DIP2B: variants seen among roughly 807,000 people sequenced by gnomAD.
The protein encoded by DIP2B is DIP2 acetate--CoA ligase B (putative), also known as disco-interacting protein 2 homolog B.
Under a neutral mutation model 198.0 loss-of-function variants are expected in DIP2B, and 76 were observed. That is an observed-to-expected ratio of 0.38 (90% CI 0.32 to 0.46). DIP2B has a LOEUF of 0.46. DIP2B is among the 20% of genes least tolerant of loss of function. The pLI, the probability that DIP2B is intolerant of heterozygous loss-of-function variation, is 0.99. For synonymous variants in DIP2B, 701 were observed against 739.1 expected, an observed-to-expected ratio of 0.95 and a Z score of 0.84; for missense variants, 1,559 against 1,978.4, an observed-to-expected ratio of 0.79 and a Z score of 4.02.
At chr12:50,630,663 CTTTTTTTTTTT>C (rs11327858) in intron 2 of DIP2B, among the ~76,000 whole-genome samples, 2 of 74,568 alleles carry the variant, frequency 2.7e-5, no homozygotes, top group Admixed American at 3.4e-4. Flanking sequence ...TCTTTCTTTT[CTTTTTTTTTTT>C]TTTTTTTTTT....
chr12:50,594,707 C>G (rs527557573), intron 1 of DIP2B, among the ~76,000 whole-genome samples: 1 of 152,272 alleles, frequency 6.6e-6, no homozygotes, highest in East Asian at 1.9e-4. Flanking sequence ...AGGAAAAAGT[C>G]ATCGAAAATA....
Position 50,728,568 on chromosome 12 carries a change from C to A in DIP2B, c.3531C>A (p.Asn1177Lys). The change falls in exon 30 of 38, where the codon AAC becomes AAA. Residue 1177 changes from asparagine (N) to lysine (K), a missense_variant. Physicochemically the swap from Asn to Lys is moderately conservative, Grantham distance 94. Transcript: ENST00000301180. ...TGVKMSHSAV[N>K]ALCRAIKLQC... ...TCCAGATGTCCCACTCTGCAGTGAA[C>A]GCTCTGTGTCGAGCCATCAAGCTCC... The A allele has an allele frequency of 6.2e-7, 1 of 1,613,956 alleles. No homozygotes were observed. Among genetic ancestry groups the A allele is most frequent in the East Asian group, 2.2e-5 (1 of 44,860 alleles).
intron 32 of DIP2B, 89 bp from the exon 33 acceptor site, chr12:50,734,046 A>G: frequency 1.4e-6 from 2 of 1,428,550 alleles, no homozygotes; most frequent in Non-Finnish European, 9.9e-7. Context: ...TGGATTTTTC[A>G]TGTATATGGC....
chr12:50,568,753 A>G (rs1180002757), intron 1 of DIP2B, among the ~76,000 whole-genome samples: 2 of 152,166 alleles, frequency 1.3e-5, no homozygotes, highest in African/African-American at 4.8e-5. Flanking sequence ...AGAGAGGCTG[A>G]GGGGAGCTTA....
At chr12:50,518,660 T>C (rs192558839) in intron 1 of DIP2B, among the ~76,000 whole-genome samples, 3 of 152,374 alleles carry the variant, frequency 2.0e-5, no homozygotes, top group Admixed American at 2.0e-4. Context: ...TCCATCTCCC[T>C]GAATCTTGTT....
intron 14 of DIP2B, among the ~76,000 whole-genome samples, chr12:50,693,912 G>C (rs1017985452): frequency 1.3e-5 from 2 of 152,136 alleles, no homozygotes; most frequent in African/African-American, 2.4e-5. Context: ...CAATACGAAG[G>C]CTTGGTTATT....
rs1041887234 is a variant in DIP2B, at chr12:50,714,694, C to G, written c.2851+98C>G. 23 of 1,439,658 alleles carry G rather than the reference C, an allele frequency of 1.6e-5. No homozygotes were observed. The African/African-American group carries it at 3.2e-4, about 20-fold the overall frequency. 89.2% of individuals were successfully genotyped at this position (1,439,658 alleles called of 1,614,324 possible). ...TTTCTCTACAATTAGTTTACAAAGA[C>G]TTTGGGAGGCCAAGGTGGGAGGGTC... is the stretch of plus-strand genomic sequence containing the variant. On this transcript the variant is annotated intron_variant, in intron 23 of 37. Coordinates refer to ENST00000301180, the MANE Select transcript of DIP2B (RefSeq NM_173602.3).
intron 1 of DIP2B, among the ~76,000 whole-genome samples, chr12:50,580,046 G>A (rs1958710358): frequency 6.9e-6 from 1 of 144,046 alleles, no homozygotes; most frequent in African/African-American, 2.5e-5. Context: ...AAAACAACAG[G>A]GAAGGGCCAA....
chr12:50,745,551 C>T lies in DIP2B; in HGVS notation c.*712C>T, dbSNP rs1158150159. On this transcript the variant is annotated 3_prime_UTR_variant, in exon 38 of 38. Coordinates refer to ENST00000301180, the MANE Select transcript of DIP2B (RefSeq NM_173602.3). Reference sequence around the variant, plus strand: ...GTAACTAAAAAGCGCAAATTGTTGGCAGGTTTTGCTGCACATTGTTCTATG... The same window carrying T: ...GTAACTAAAAAGCGCAAATTGTTGGTAGGTTTTGCTGCACATTGTTCTATG... 1 of 152,418 alleles carries T rather than the reference C, an allele frequency of 6.6e-6. No individual in the cohort carries two copies. Among genetic ancestry groups the T allele is most frequent in the Non-Finnish European group, 1.5e-5 (1 of 68,044 alleles). The allele number at this position is 152,418 out of a possible 1,614,324, so 9.4% of individuals were successfully genotyped here.
At chr12:50,738,538 C>T (rs912968527) in intron 35 of DIP2B, among the ~76,000 whole-genome samples, 2 of 152,134 alleles carry the variant, frequency 1.3e-5, no homozygotes, top group African/African-American at 4.8e-5. Flanking sequence ...GGCTGGAATG[C>T]AGTGGTGCCA....
rs541710373 is a variant in DIP2B at position 50,674,725 on chromosome 12, G to T, written c.796+96G>T. On this transcript the variant is annotated intron_variant, in intron 6 of 37. Transcript: ENST00000301180. ...GCTCCTAACTAGCCCAGCAGCTGCAGAACTGCATTGTAGTTGGCCCACTAA... is the reference window on the plus strand; with the variant it reads ...GCTCCTAACTAGCCCAGCAGCTGCATAACTGCATTGTAGTTGGCCCACTAA... 123 of 1,468,260 alleles carry T rather than the reference G, an allele frequency of 8.4e-5. No individual in the cohort carries two copies. The African/African-American group carries it at 1.5e-3, about 18-fold the overall frequency. The allele number at this position is 1,468,260 out of a possible 1,614,324, so 91.0% of individuals were successfully genotyped here.
At chr12:50,731,686 C>A in intron 31 of DIP2B, 149 bp downstream of exon 31, 3 of 883,966 alleles carry the variant, frequency 3.4e-6, no homozygotes, top group African/African-American at 1.7e-5. Context: ...TAAACTTTGG[C>A]AAGTTTATCT....
At chr12:50,524,723 T>G (rs908126365) in intron 1 of DIP2B, among the ~76,000 whole-genome samples, 3 of 152,166 alleles carry the variant, frequency 2.0e-5, no homozygotes, top group Admixed American at 6.5e-5. Flanking sequence ...ACAAGTAATA[T>G]GTATTGCTTG....
intron 36 of DIP2B, 129 bp from the exon 37 acceptor site, chr12:50,741,287 C>A: frequency 1.8e-6 from 2 of 1,127,992 alleles, no homozygotes; most frequent in Non-Finnish European, 2.4e-6. Context: ...AAGGAATTTG[C>A]CCAGAGTTAC....
intron 1 of DIP2B, among the ~76,000 whole-genome samples, chr12:50,546,182 G>T (rs1231166776): frequency 6.6e-6 from 1 of 152,180 alleles, no homozygotes; most frequent in African/African-American, 2.4e-5. Context: ...GTGCAAATAT[G>T]CATAAGTATA....
chr12:50,673,635 A>G (rs75337764), intron 5 of DIP2B, among the ~76,000 whole-genome samples: 215 of 152,078 alleles, frequency 1.4e-3, no homozygotes, highest in African/African-American at 5.0e-3. Context: ...AAAAATACAA[A>G]TATTAGCCTG....
chr12:50,524,690 T>C (rs1958147545), intron 1 of DIP2B, among the ~76,000 whole-genome samples: 1 of 152,222 alleles, frequency 6.6e-6, no homozygotes, highest in South Asian at 2.1e-4. Context: ...GGGGCTTACA[T>C]CTGTAGCTGT....
intron 9 of DIP2B, among the ~76,000 whole-genome samples, chr12:50,681,034 G>A (rs1346328182): frequency 1.3e-5 from 2 of 152,152 alleles, no homozygotes; most frequent in African/African-American, 2.4e-5. Flanking sequence ...AGAAACCTTA[G>A]TCTTTCCAGA....
intron 1 of DIP2B, among the ~76,000 whole-genome samples, chr12:50,540,486 A>G (rs1027825264): frequency 2.0e-5 from 3 of 151,290 alleles, no homozygotes; most frequent in African/African-American, 7.3e-5. Flanking sequence ...AGATGCCTAT[A>G]TAGCAGTCTC....
Sources: gnomAD v4.1 joint callset for allele counts (sites outside exome capture counted in the v4.1 genomes callset) on GRCh38, gnomAD v4.1.1 for gene constraint, MANE v1.5 for transcripts, NCBI Gene and HGNC (gene_info 2026-07-23, HGNC 2026-07-21) for gene names.